Variants in MACROD2 observed in about 807,000 individuals in gnomAD.
MACROD2 encodes the protein mono-ADP ribosylhydrolase 2.
MACROD2 carries 36 observed loss-of-function variants against 70.4 expected under a neutral mutation model. The ratio of observed to expected loss-of-function variants is 0.51; its 90% CI spans 0.39 to 0.68. The LOEUF is 0.68. MACROD2 is among the 30% of genes least tolerant of loss of function. The pLI is 0.00. For synonymous variants in MACROD2, 172 were observed against 178.8 expected (o/e 0.96, Z 0.30); for missense variants, 496 against 538.4 (o/e 0.92, Z 0.78).
intron 5 of MACROD2, among the ~76,000 whole-genome samples, chr20:15,165,253 C>T (rs1396662400): frequency 2.6e-5 from 4 of 152,082 alleles, no homozygotes; most frequent in Admixed American, 6.5e-5. Flanking sequence ...GTCAGGAGTT[C>T]GAGACCAGCC....
intron 7 of MACROD2, among the ~76,000 whole-genome samples, chr20:15,433,223 G>T (rs2046385427): frequency 6.6e-6 from 1 of 151,952 alleles, no homozygotes; most frequent in South Asian, 2.1e-4. Context: ...ACGAGAGAAA[G>T]AAATAAAAGG....
chr20:15,955,897 T>G (rs1477977586), intron 12 of MACROD2, among the ~76,000 whole-genome samples: 1 of 152,100 alleles, frequency 6.6e-6, no homozygotes, highest in African/African-American at 2.4e-5. Flanking sequence ...CAAACCACCA[T>G]GGCATATGTT....
intron 5 of MACROD2, among the ~76,000 whole-genome samples, chr20:14,694,004 G>A (rs113789549): frequency 8.9e-4 from 136 of 152,190 alleles, no homozygotes; most frequent in African/African-American, 2.9e-3. Context: ...GAGTGTAGAC[G>A]ACTATAGTGA....
chr20:15,223,403 T>C (rs557079975), intron 5 of MACROD2, among the ~76,000 whole-genome samples: 1 of 152,344 alleles, frequency 6.6e-6, no homozygotes, highest in African/African-American at 2.4e-5. Flanking sequence ...ATGCTAATTC[T>C]GTGACAGCCA....
chr20:14,402,981 G>A (rs977053751), intron 3 of MACROD2, among the ~76,000 whole-genome samples: 2 of 152,058 alleles, frequency 1.3e-5, no homozygotes, highest in Admixed American at 6.6e-5. Context: ...AAAATATCTC[G>A]TGTATAAACA....
At chr20:15,047,180 G>T (rs2075401246) in intron 5 of MACROD2, among the ~76,000 whole-genome samples, 2 of 152,200 alleles carry the variant, frequency 1.3e-5, no homozygotes, top group African/African-American at 4.8e-5. Flanking sequence ...ATTGACATCT[G>T]ATTGAGGATA....
intron 5 of MACROD2, among the ~76,000 whole-genome samples, chr20:15,130,938 C>G (rs1241500065): frequency 6.6e-6 from 1 of 152,124 alleles, no homozygotes; most frequent in South Asian, 2.1e-4. Context: ...TGAAGCAGAC[C>G]TTGGCATAAA....
chr20:15,473,620 C>T (rs1438415768), intron 7 of MACROD2, among the ~76,000 whole-genome samples: 2 of 152,140 alleles, frequency 1.3e-5, no homozygotes, highest in African/African-American at 4.8e-5. Context: ...ATTAAATTTA[C>T]TGTTTCCTAA....
intron 9 of MACROD2, among the ~76,000 whole-genome samples, chr20:15,870,241 T>G (rs1601025633): frequency 2.7e-5 from 1 of 37,336 alleles, no homozygotes; most frequent in Admixed American, 3.0e-4. Context: ...TTTTATATTA[T>G]TATTATTATT....
chr20:14,629,101 A>G (rs537007567), intron 4 of MACROD2, among the ~76,000 whole-genome samples: 1 of 152,254 alleles, frequency 6.6e-6, no homozygotes, highest in Admixed American at 6.5e-5. Context: ...TCACTTCCCT[A>G]AAACAGGTGC....
intron 8 of MACROD2, among the ~76,000 whole-genome samples, chr20:15,844,414 G>A (rs2064206884): frequency 6.6e-6 from 1 of 152,098 alleles, no homozygotes; most frequent in South Asian, 2.1e-4. Flanking sequence ...TTTGCTGTGT[G>A]CTCAACACAA....
intron 5 of MACROD2, among the ~76,000 whole-genome samples, chr20:14,853,418 C>T (rs1051885454): frequency 6.6e-6 from 1 of 151,520 alleles, no homozygotes; most frequent in African/African-American, 2.4e-5. Flanking sequence ...TTTCATGGCC[C>T]GTCTTCCTGT....
intron 3 of MACROD2, among the ~76,000 whole-genome samples, chr20:14,288,174 T>C (rs79265941): frequency 0.015 from 2,280 of 152,034 alleles, 24 homozygotes; most frequent in African/African-American, 0.027. Flanking sequence ...TGTCTTCCAA[T>C]ATCTTTCCTT....
At chr20:15,807,844 T>A (rs567149369) in intron 8 of MACROD2, among the ~76,000 whole-genome samples, 221 of 152,268 alleles carry the variant, frequency 1.5e-3, no homozygotes, top group African/African-American at 5.1e-3. Flanking sequence ...TTATATTGTC[T>A]TATGCCCAAT....
At chr20:14,853,006 G>A (rs534292402) in intron 5 of MACROD2, among the ~76,000 whole-genome samples, 9 of 152,212 alleles carry the variant, frequency 5.9e-5, no homozygotes, top group African/African-American at 1.7e-4. Context: ...GAATGTTGCC[G>A]TGTAGGAATG....
intron 3 of MACROD2, among the ~76,000 whole-genome samples, chr20:14,284,896 T>G (rs963140461): frequency 6.6e-6 from 1 of 152,228 alleles, no homozygotes; most frequent in African/African-American, 2.4e-5. Flanking sequence ...GTTACATTAT[T>G]AGACATTATT....
chr20:15,746,675 G>C (rs887288227), intron 8 of MACROD2, among the ~76,000 whole-genome samples: 8 of 151,884 alleles, frequency 5.3e-5, no homozygotes, highest in Non-Finnish European at 7.4e-5. Flanking sequence ...TTCAGGCTAG[G>C]TTCCTTCTCT....
chr20:14,263,505 G>A (rs941586018), intron 3 of MACROD2, among the ~76,000 whole-genome samples: 3 of 152,076 alleles, frequency 2.0e-5, no homozygotes, highest in Non-Finnish European at 2.9e-5. Context: ...CTCCCTTTCA[G>A]TCTCCTGCTG....
At chr20:15,677,003 A>T (rs1230768338) in intron 8 of MACROD2, among the ~76,000 whole-genome samples, 5 of 152,246 alleles carry the variant, frequency 3.3e-5, no homozygotes, top group Non-Finnish European at 7.3e-5. Context: ...TATTTGCATA[A>T]TATAACATAT....
Sources: allele counts gnomAD v4.1 joint callset (sites outside exome capture counted in the v4.1 genomes callset), GRCh38; gene constraint gnomAD v4.1.1; transcripts MANE v1.5; gene names NCBI Gene and HGNC (gene_info 2026-07-23, HGNC 2026-07-21).